Variants in SMG6 observed in about 807,000 individuals in gnomAD.
SMG6 encodes the protein telomerase-binding protein EST1A.
A neutral mutation model predicts 142.2 loss-of-function variants in SMG6; 66 were observed. The ratio of observed to expected loss-of-function variants is 0.46; its 90% CI spans 0.38 to 0.57. The LOEUF is 0.57. Ranked by LOEUF, SMG6 falls within the 20% of genes least tolerant of loss-of-function variation. The pLI, the probability that SMG6 is intolerant of heterozygous loss-of-function variation, is 0.00. For missense variants in SMG6, 1,793 were observed against 1,832.0 expected (o/e 0.98, Z 0.39); for synonymous variants, 779 against 702.4 (o/e 1.11, Z -1.72).
rs2073887021 is a variant in SMG6 at position 2,244,534 on chromosome 17, G to C, written c.2723+124C>G. 15 of 689,418 alleles carry C rather than the reference G, an allele frequency of 2.2e-5. No individual in the cohort carries two copies. The South Asian group carries it at 2.6e-4, about 12-fold the overall frequency. 42.7% of individuals were successfully genotyped at this position (689,418 alleles called of 1,614,324 possible). On this transcript the variant is annotated intron_variant, in intron 9 of 18. Transcript: ENST00000263073. ...GAAGATGAAGGGAAGAGAAGAGAAG[G>C]TGGAGGCCTCTAAGAATTCACACCC...
At chr17:2,297,771 G>A (rs2075175782) in intron 3 of SMG6, 92 bp downstream of exon 3, 2 of 1,435,692 alleles carry the variant, frequency 1.4e-6, no homozygotes, top group South Asian at 2.5e-5. Flanking sequence ...TCGATATTCT[G>A]TTCTAAAACA....
intron 8 of SMG6, among the ~76,000 whole-genome samples, chr17:2,271,072 G>A (rs1039314681): frequency 6.6e-6 from 1 of 151,630 alleles, no homozygotes; most frequent in Non-Finnish European, 1.5e-5. Context: ...GTTGAAGCAG[G>A]AGGATTGCTT....
intron 8 of SMG6, among the ~76,000 whole-genome samples, chr17:2,265,425 G>A (rs948321182): frequency 2.6e-5 from 4 of 151,900 alleles, no homozygotes; most frequent in South Asian, 2.1e-4. Context: ...CAGGAGAAAC[G>A]CTTGAACCTG....
Position 2,128,626 on chromosome 17 carries a change from C to T in SMG6, c.3358-42725G>A, listed in dbSNP as rs549030949. On this transcript the variant is annotated intron_variant, in intron 13 of 18. Transcript: ENST00000263073. ...CAAACTTGAGGTCAGGAGTTCGAGACTAGCTTGACCAACGTGGTGAAACCC... is the reference window on the plus strand; with the variant it reads ...CAAACTTGAGGTCAGGAGTTCGAGATTAGCTTGACCAACGTGGTGAAACCC... Among the ~76,000 whole-genome samples, 12 of 152,200 alleles carry T rather than the reference C, an allele frequency of 7.9e-5. No individual in the cohort carries two copies. In the East Asian group the frequency reaches 2.3e-3, roughly 29 times the overall value.
In SMG6 at chr17:2,124,421, T is replaced by C. The variant is rs546802324; in HGVS notation, c.3358-38520A>G. On this transcript the variant is annotated intron_variant, in intron 13 of 18. Transcript: ENST00000263073. ...CTTTTCAGGAGAGACTGATGTAGAG[T>C]AGTCATGGGCAGGCCAGGGAACAAA... Among the ~76,000 whole-genome samples, 5 of 152,228 alleles carry C rather than the reference T, an allele frequency of 3.3e-5. No homozygotes were observed. In the East Asian group the frequency reaches 9.6e-4, roughly 29 times the overall value.
chr17:2,145,363 T>C (rs1597465230), intron 13 of SMG6, among the ~76,000 whole-genome samples: 2 of 151,600 alleles, frequency 1.3e-5, no homozygotes, highest in African/African-American at 4.8e-5. Flanking sequence ...GCAATCCACC[T>C]GCCTCAGCCT....
In SMG6 at chr17:2,068,864, G is replaced by A; in HGVS notation, c.3749C>T (p.Pro1250Leu). Residue 1250 changes from proline (P) to leucine (L), a missense_variant, in exon 16 of 19, where the codon CCA (proline) becomes CTA (leucine). By Grantham distance (98) the Pro-to-Leu change is moderately conservative. Coordinates refer to ENST00000263073, the MANE Select transcript of SMG6 (RefSeq NM_017575.5). This position sits in a 1 kb window ranked among gnomAD's most constrained non-coding sequence, Gnocchi z 6.7. ...ELEIRPLFLVPDTNGFIDHLA... is the reference protein window; with the variant it reads ...ELEIRPLFLVLDTNGFIDHLA... ...GTGGTCAATGAAGCCGTTGGTGTCT[G>A]GTACGAGGAACAAAGGTCTGATTTC... The A allele has an allele frequency of 3.1e-6, 5 of 1,614,202 alleles. No individual in the cohort carries two copies. Among genetic ancestry groups the A allele is most frequent in the African/African-American group, 1.3e-5 (1 of 75,050 alleles).
intron 10 of SMG6, among the ~76,000 whole-genome samples, chr17:2,196,622 GTAGA>G (rs2072336912): frequency 6.6e-6 from 1 of 152,156 alleles, no homozygotes; most frequent in Non-Finnish European, 1.5e-5. Context: ...AACGTTTCAC[GTAGA>G]TAAAGACAAG....
intron 10 of SMG6, among the ~76,000 whole-genome samples, chr17:2,198,190 A>T (rs2072392032): frequency 6.6e-6 from 1 of 152,232 alleles, no homozygotes; most frequent in African/African-American, 2.4e-5. Context: ...ACGTGCAGTG[A>T]GTTGGACAGA....
chr17:2,159,834 A>G (rs1436812658), intron 13 of SMG6, among the ~76,000 whole-genome samples: 3 of 152,262 alleles, frequency 2.0e-5, no homozygotes, highest in Admixed American at 6.5e-5. Context: ...CTACTCATCA[A>G]TAAACGACTG....
intron 15 of SMG6, among the ~76,000 whole-genome samples, chr17:2,080,073 TCAAAACAAAA>T (rs59094023): frequency 0.49 from 70,280 of 142,568 alleles, 17,837 homozygotes; most frequent in African/African-American, 0.56. Context: ...AGACTCCATC[TCAAAACAAAA>T]CAAAACAAAA....
chr17:2,158,259 A>G (rs940290031), intron 13 of SMG6, among the ~76,000 whole-genome samples: 1 of 152,188 alleles, frequency 6.6e-6, no homozygotes, highest in Non-Finnish European at 1.5e-5. Flanking sequence ...TTTGCTGCAC[A>G]TATGCAAACC....
chr17:2,276,318 G>A (rs183129553), intron 8 of SMG6, among the ~76,000 whole-genome samples: 25 of 152,068 alleles, frequency 1.6e-4, no homozygotes, highest in Admixed American at 4.6e-4. Context: ...AACATCTACA[G>A]CTACCCCAGT....
At chr17:2,290,866 C>G (rs927675058) in intron 6 of SMG6, among the ~76,000 whole-genome samples, 20 of 152,136 alleles carry the variant, frequency 1.3e-4, no homozygotes, top group Non-Finnish European at 2.9e-5. Context: ...CGCTCAACAT[C>G]GTGTGTCATT....
At chr17:2,146,354 C>A in intron 13 of SMG6, among the ~76,000 whole-genome samples, 1 of 152,122 alleles carries the variant, frequency 6.6e-6, no homozygotes, top group East Asian at 1.9e-4. Flanking sequence ...TTGACCCTTG[C>A]CCTAGTTCAG....
chr17:2,073,441 T>C (rs1350789932), intron 15 of SMG6, among the ~76,000 whole-genome samples: 1 of 151,900 alleles, frequency 6.6e-6, no homozygotes, highest in Non-Finnish European at 1.5e-5. Flanking sequence ...CCAGGCACGG[T>C]GGCTCACGCC....
intron 10 of SMG6, among the ~76,000 whole-genome samples, chr17:2,201,817 A>G (rs1481740322): frequency 6.6e-6 from 1 of 152,126 alleles, no homozygotes; most frequent in Non-Finnish European, 1.5e-5. Flanking sequence ...TGAGGCCAGG[A>G]GTTCGAGACT....
intron 10 of SMG6, among the ~76,000 whole-genome samples, chr17:2,223,226 T>C (rs2073227029): frequency 6.6e-6 from 1 of 152,224 alleles, no homozygotes; most frequent in African/African-American, 2.4e-5. Context: ...GAAGCCAAAG[T>C]GTGAACAGCA....
At chr17:2,129,540 T>A (rs1412494440) in intron 13 of SMG6, among the ~76,000 whole-genome samples, 1 of 152,076 alleles carries the variant, frequency 6.6e-6, no homozygotes, top group Non-Finnish European at 1.5e-5. Context: ...ACACCTGTAA[T>A]CCCAGCACTT....
Sources: allele counts gnomAD v4.1 joint callset (sites outside exome capture counted in the v4.1 genomes callset), GRCh38; gene constraint gnomAD v4.1.1; non-coding constraint Gnocchi (gnomAD v3.1); transcripts MANE v1.5; gene names NCBI Gene and HGNC (gene_info 2026-07-23, HGNC 2026-07-21).